Variants in CEMIP2 observed in about 807,000 individuals in gnomAD.
CEMIP2 encodes the protein cell surface hyaluronidase CEMIP2.
In CEMIP2, 79 loss-of-function variants were observed where a neutral mutation model predicts 146.9. The observed-to-expected ratio is 0.54, with a 90% CI of 0.45 to 0.65. The LOEUF (loss-of-function observed/expected upper bound fraction) is 0.65, where lower values mean the gene tolerates loss of function less well. Ranked by LOEUF, CEMIP2 falls within the 30% of genes least tolerant of loss-of-function variation. CEMIP2 has a pLI of 0.00. For synonymous variants in CEMIP2, 601 were observed against 606.3 expected (o/e 0.99, Z 0.13); for missense variants, 1,596 against 1,696.2 (o/e 0.94, Z 1.04).
At chr9:71,700,875 T>C in intron 18 of CEMIP2, 51 bp from the exon 19 acceptor site, 1 of 1,522,240 alleles carries the variant, frequency 6.6e-7, no homozygotes. Flanking sequence ...CCATTATCTG[T>C]TAAGTACTAT....
At chr9:71,741,928 G>A (rs62549280) in intron 4 of CEMIP2, among the ~76,000 whole-genome samples, 10,722 of 152,148 alleles carry the variant, frequency 0.07, 535 homozygotes, top group South Asian at 0.19. Context: ...TTACAGGCAT[G>A]AGCCACCACA....
At chr9:71,751,145 A>G (rs1824240734) in intron 1 of CEMIP2, among the ~76,000 whole-genome samples, 1 of 152,222 alleles carries the variant, frequency 6.6e-6, no homozygotes, top group Middle Eastern at 3.2e-3. Context: ...GTACAATTCA[A>G]TGGCATTACG....
At chr9:71,720,749 C>T (rs1002442580) in intron 12 of CEMIP2, among the ~76,000 whole-genome samples, 3 of 152,168 alleles carry the variant, frequency 2.0e-5, no homozygotes, top group Non-Finnish European at 4.4e-5. Flanking sequence ...TATATATGAG[C>T]ATAGTCTAAA....
intron 12 of CEMIP2, among the ~76,000 whole-genome samples, chr9:71,718,921 C>T (rs1235168298): frequency 6.6e-6 from 1 of 152,082 alleles, no homozygotes; most frequent in Non-Finnish European, 1.5e-5. Flanking sequence ...CTGAACTTCA[C>T]CTTTTCTTTT....
rs112216089 is a variant in CEMIP2, at chr9:71,735,189, G to A, written c.1205-195C>T. Among the ~76,000 whole-genome samples, 625 of 152,150 alleles carry A rather than the reference G, an allele frequency of 4.1e-3. 7 individuals are homozygous for A. The highest frequency in any genetic ancestry group is 0.014 in the African/African-American group (581 of 41,512). On this transcript the variant is annotated intron_variant, in intron 5 of 23. Coordinates refer to ENST00000377044, the MANE Select transcript of CEMIP2 (RefSeq NM_013390.3). ...AAAATATGAAAACAGAGAGATCCCT[G>A]CCTTCAAGGGGTGAGTGCCCCATGT...
At chr9:71,690,390 C>A in intron 21 of CEMIP2, 144 bp from the exon 22 acceptor site, 1 of 1,101,272 alleles carries the variant, frequency 9.1e-7, no homozygotes. Flanking sequence ...GCTTCACTTG[C>A]TTTTTCCTCA....
At position 71,768,430 on chromosome 9, in the gene CEMIP2, T is replaced by G. The variant is rs1460726525; in HGVS notation, c.-86A>C. On this transcript the variant is annotated 5_prime_UTR_variant, in exon 1 of 24. Transcript: ENST00000377044. ...GTCCAGGGAGACGGAGAGGAGTCCCTGGCGTCCTCGGGTCCAGATCTCCTC... is the reference window on the plus strand; with the variant it reads ...GTCCAGGGAGACGGAGAGGAGTCCCGGGCGTCCTCGGGTCCAGATCTCCTC... The G allele has an allele frequency of 6.6e-6, 1 of 151,970 alleles. No individual in the cohort carries two copies. Among genetic ancestry groups the G allele is most frequent in the Non-Finnish European group, 1.5e-5 (1 of 68,004 alleles). 9.4% of individuals were successfully genotyped at this position (151,970 alleles called of 1,614,324 possible).
rs1554684649 is a variant in CEMIP2, at chr9:71,728,241, A to ATATATACG, written c.2049+1603_2049+1604insCGTATATA. On this transcript the variant is annotated intron_variant, in intron 10 of 23. Coordinates refer to ENST00000377044, the MANE Select transcript of CEMIP2 (RefSeq NM_013390.3). ...TCTCTCTCTCTCTCTCTATATATAT[A>ATATATACG]TATATATATGTATATACACGTATAT... Among the ~76,000 whole-genome samples the ATATATACG allele has an allele frequency of 2.1e-3, 103 of 48,062 alleles. 5 individuals carry two copies. Among genetic ancestry groups the ATATATACG allele is most frequent in the Non-Finnish European group, 4.2e-3 (93 of 21,972 alleles). 31.5% of individuals were successfully genotyped at this position (48,062 alleles called of 152,430 possible).
chr9:71,719,625 G>C (rs1823172092), intron 12 of CEMIP2, among the ~76,000 whole-genome samples: 1 of 152,118 alleles, frequency 6.6e-6, no homozygotes, highest in Non-Finnish European at 1.5e-5. Context: ...AACTGGGGTA[G>C]TAGCTGCGAA....
chr9:71,763,375 T>C (rs946232604), intron 1 of CEMIP2, among the ~76,000 whole-genome samples: 1 of 152,162 alleles, frequency 6.6e-6, no homozygotes, highest in Non-Finnish European at 1.5e-5. Flanking sequence ...ATCAAATTTA[T>C]AGTGGATATT....
At chr9:71,703,923 A>T (rs1323973153) in intron 18 of CEMIP2, among the ~76,000 whole-genome samples, 2 of 152,248 alleles carry the variant, frequency 1.3e-5, no homozygotes, top group Admixed American at 6.5e-5. Context: ...CCACTAAAAA[A>T]TAGCTTTGGT....
At chr9:71,738,739 G>A (rs896030602) in intron 5 of CEMIP2, among the ~76,000 whole-genome samples, 4 of 151,614 alleles carry the variant, frequency 2.6e-5, no homozygotes, top group African/African-American at 9.7e-5. Context: ...TTGGGAGGCT[G>A]AGGCAGATAA....
chr9:71,727,079 C>T (rs891841846), intron 10 of CEMIP2, among the ~76,000 whole-genome samples: 6 of 152,056 alleles, frequency 3.9e-5, no homozygotes, highest in African/African-American at 9.7e-5. Flanking sequence ...TAGCTTTTAC[C>T]GGAACAGTTT....
intron 15 of CEMIP2, among the ~76,000 whole-genome samples, chr9:71,712,678 G>A (rs2131911049): frequency 6.6e-6 from 1 of 152,206 alleles, no homozygotes; most frequent in South Asian, 2.1e-4. Flanking sequence ...CTGCGCTTAG[G>A]CAGAGAACCA....
In CEMIP2 at chr9:71,732,506, G is replaced by A; in HGVS notation, c.1408C>T (p.Leu470=). 1 of 1,595,354 alleles carries A rather than the reference G, an allele frequency of 6.3e-7. No homozygotes were observed. The highest frequency in any genetic ancestry group is 8.5e-7 in the Non-Finnish European group (1 of 1,175,072). The part of the protein sequence containing the change: ...QVKVKETPQF[L]HMGEIIDGVD... ...CCGTCTATGATCTCACCCATGTGCA[G>A]GAACTGAGGGGTTTCTGGTTGATAT... is the stretch of plus-strand genomic sequence containing the variant. The change falls in exon 7 of 24, where the codon CTG becomes TTG. Residue 470 remains leucine, a synonymous_variant. Coordinates refer to ENST00000377044, the MANE Select transcript of CEMIP2 (RefSeq NM_013390.3).
chr9:71,761,874 G>C (rs1824646728), intron 1 of CEMIP2, among the ~76,000 whole-genome samples: 1 of 152,150 alleles, frequency 6.6e-6, no homozygotes, highest in African/African-American at 2.4e-5. Context: ...CCTATGAATG[G>C]AATAGAGCTT....
At chr9:71,744,894 C>T in intron 4 of CEMIP2, 124 bp downstream of exon 4, 3 of 1,010,906 alleles carry the variant, frequency 3.0e-6, no homozygotes, top group Non-Finnish European at 4.3e-6. Context: ...ACCAGACATG[C>T]AAATGGTAGA....
At position 71,683,540 on chromosome 9, in the gene CEMIP2, A is replaced by T. The variant is rs2131837370; in HGVS notation, c.*1657T>A. 3.8e-5 allele frequency: 2 copies of T among 52,926 alleles called. No individual in the cohort carries two copies. The highest frequency in any genetic ancestry group is 5.8e-4 in the South Asian group (1 of 1,728). 3.3% of individuals were successfully genotyped at this position (52,926 alleles called of 1,614,324 possible). ...ATAAAACACACACACACACACACACACACACACACACTCTAATGACCTTCA... is the reference window on the plus strand; with the variant it reads ...ATAAAACACACACACACACACACACTCACACACACACTCTAATGACCTTCA... On this transcript the variant is annotated 3_prime_UTR_variant, in exon 24 of 24. Coordinates refer to ENST00000377044, the MANE Select transcript of CEMIP2 (RefSeq NM_013390.3).
intron 14 of CEMIP2, 65 bp downstream of exon 14, chr9:71,716,452 G>GA (rs921042068): frequency 2.6e-4 from 341 of 1,320,558 alleles, no homozygotes; most frequent in South Asian, 6.8e-4. Context: ...TGTATTATCA[G>GA]AAAAAAAAAT....
Sources: gnomAD v4.1 joint callset for allele counts (sites outside exome capture counted in the v4.1 genomes callset) on GRCh38, gnomAD v4.1.1 for gene constraint, MANE v1.5 for transcripts, NCBI Gene and HGNC (gene_info 2026-07-23, HGNC 2026-07-21) for gene names.